Variants in PIK3C2G observed in about 807,000 individuals in gnomAD.
The protein encoded by PIK3C2G is phosphatidylinositol 3-kinase C2 domain-containing subunit gamma.
In PIK3C2G, 168 loss-of-function variants were observed where a neutral mutation model predicts 181.1. The ratio of observed to expected loss-of-function variants is 0.93; its 90% CI spans 0.82 to 1.05. PIK3C2G has a LOEUF of 1.05. PIK3C2G is among the 50% of genes least tolerant of loss of function. The probability of loss-of-function intolerance (pLI) is 0.00; values close to 1 mark genes in which losing one functional copy is unlikely to be tolerated. For missense variants in PIK3C2G, 1,869 were observed against 1,732.8 expected, an observed-to-expected ratio of 1.08 and a Z score of -1.40; for synonymous variants, 573 against 592.2, an observed-to-expected ratio of 0.97 and a Z score of 0.47.
intron 14 of PIK3C2G, among the ~76,000 whole-genome samples, chr12:18,383,987 ATTT>A (rs71440366): frequency 2.9e-5 from 4 of 136,998 alleles, no homozygotes; most frequent in South Asian, 2.3e-4. Flanking sequence ...TATTATTATT[ATTT>A]TTTTTTTTTT....
intron 26 of PIK3C2G, among the ~76,000 whole-genome samples, chr12:18,558,447 G>C (rs567247711): frequency 6.6e-6 from 1 of 152,228 alleles, no homozygotes; most frequent in Admixed American, 6.5e-5. Context: ...ATATTATTAA[G>C]TTAACAAAAA....
chr12:18,379,963 G>A (rs993397086), intron 13 of PIK3C2G, among the ~76,000 whole-genome samples: 1 of 152,144 alleles, frequency 6.6e-6, no homozygotes, highest in Admixed American at 6.5e-5. Context: ...GCCCACAAAA[G>A]CTAAACTCAC....
intron 24 of PIK3C2G, among the ~76,000 whole-genome samples, chr12:18,527,125 C>T (rs865800385): frequency 2.0e-5 from 3 of 152,016 alleles, no homozygotes; most frequent in African/African-American, 4.8e-5. Flanking sequence ...TAAGCCAATG[C>T]CCCATTGTGA....
chr12:18,292,227 A>AAAAAAAAAAATATATATATAT, intron 4 of PIK3C2G, among the ~76,000 whole-genome samples: 1 of 48,748 alleles, frequency 2.1e-5, no homozygotes, highest in Non-Finnish European at 3.3e-5. Flanking sequence ...AAAAAAAAAA[A>AAAAAAAAAAATATATATATAT]ATATATATAT....
chr12:18,609,685 C>T (rs1948236654), intron 31 of PIK3C2G, 56 bp downstream of exon 31: 1 of 1,079,048 alleles, frequency 9.3e-7, no homozygotes. Context: ...AAATCACTTA[C>T]CTCCTTTGGG....
the PIK3C2G span, chr12:18,701,520 ATTACTCCAGGTAACTTTT>A: frequency 6.2e-7 from 1 of 1,614,046 alleles, no homozygotes; most frequent in Non-Finnish European, 8.5e-7. Context: ...CTTGAAAAGC[ATTACTCCAGGTAACTTTT>A]TTACCCCTGT....
At chr12:18,691,571 G>C in the PIK3C2G span, among the ~76,000 whole-genome samples, 1 of 152,140 alleles carries the variant, frequency 6.6e-6, no homozygotes, top group Admixed American at 6.5e-5. Context: ...TTGGAAGGTA[G>C]GGGGTAAAAG....
chr12:18,554,355 T>G (rs1313506781), intron 26 of PIK3C2G, among the ~76,000 whole-genome samples: 7 of 152,076 alleles, frequency 4.6e-5, no homozygotes, highest in African/African-American at 1.7e-4. Flanking sequence ...TGCTTATAGC[T>G]GTGTTTCTCA....
intron 5 of PIK3C2G, among the ~76,000 whole-genome samples, chr12:18,299,728 G>T (rs1275720815): frequency 6.6e-6 from 1 of 151,746 alleles, no homozygotes; most frequent in Non-Finnish European, 1.5e-5. Context: ...AGTTTGTTGA[G>T]CGTTTTTATT....
intron 26 of PIK3C2G, 24 bp from the exon 27 acceptor site, chr12:18,562,679 A>G (rs765444674): frequency 2.8e-6 from 4 of 1,405,826 alleles, no homozygotes; most frequent in Admixed American, 1.9e-5. Flanking sequence ...GTCACTCACT[A>G]TCTTTTCTTT....
intron 13 of PIK3C2G, among the ~76,000 whole-genome samples, chr12:18,379,185 T>TA (rs1353778513): frequency 6.6e-6 from 1 of 151,460 alleles, no homozygotes; most frequent in Non-Finnish European, 1.5e-5. Flanking sequence ...TATGCAGCCA[T>TA]AAAAAAGGAT....
At chr12:18,293,093 T>C (rs1949782368) in intron 4 of PIK3C2G, among the ~76,000 whole-genome samples, 1 of 152,152 alleles carries the variant, frequency 6.6e-6, no homozygotes, top group Admixed American at 6.6e-5. Context: ...CCGTAAAATA[T>C]AGCTATTATT....
At chr12:18,687,361 T>C in the PIK3C2G span, among the ~76,000 whole-genome samples, 1 of 152,146 alleles carries the variant, frequency 6.6e-6, no homozygotes, top group Non-Finnish European at 1.5e-5. Context: ...CCACTTTGCT[T>C]TGAGAATATC....
At chr12:18,272,299 C>T (rs1162665900) in intron 1 of PIK3C2G, among the ~76,000 whole-genome samples, 2 of 152,006 alleles carry the variant, frequency 1.3e-5, no homozygotes, top group Non-Finnish European at 2.9e-5. Flanking sequence ...ATTTCCTGGG[C>T]CTTGGTAATT....
intron 18 of PIK3C2G, among the ~76,000 whole-genome samples, chr12:18,487,399 A>G (rs937738210): frequency 3.9e-5 from 6 of 152,044 alleles, no homozygotes; most frequent in African/African-American, 1.4e-4. Flanking sequence ...AGGCATGCAG[A>G]ATAAAACACA....
chr12:18,723,103 T>C, the PIK3C2G span, among the ~76,000 whole-genome samples: 7 of 151,994 alleles, frequency 4.6e-5, no homozygotes, highest in Non-Finnish European at 1.0e-4. Context: ...GAACAATGTA[T>C]AGGAAAGGAT....
chr12:18,632,228 C>T (rs1288762769), intron 31 of PIK3C2G, among the ~76,000 whole-genome samples: 1 of 152,142 alleles, frequency 6.6e-6, no homozygotes, highest in Non-Finnish European at 1.5e-5. Flanking sequence ...CTTATCCAAT[C>T]AGTACATACA....
At chr12:18,267,769 G>C (rs1948566867) in intron 1 of PIK3C2G, among the ~76,000 whole-genome samples, 1 of 152,130 alleles carries the variant, frequency 6.6e-6, no homozygotes, top group South Asian at 2.1e-4. Flanking sequence ...ACGTATCTAG[G>C]TAATTCTAGC....
At chr12:18,658,734 T>C in the PIK3C2G span, among the ~76,000 whole-genome samples, 3 of 152,132 alleles carry the variant, frequency 2.0e-5, no homozygotes, top group Non-Finnish European at 4.4e-5. Flanking sequence ...TAAATTCTTT[T>C]AGAAGGTTTT....
Sources: allele counts gnomAD v4.1 joint callset (sites outside exome capture counted in the v4.1 genomes callset), GRCh38; gene constraint gnomAD v4.1.1; transcripts MANE v1.5; gene names NCBI Gene and HGNC (gene_info 2026-07-23, HGNC 2026-07-21).